Variants in CYP26C1 observed in about 807,000 individuals in gnomAD.
CYP26C1 encodes cytochrome P450 26C1.
A neutral mutation model predicts 39.1 loss-of-function variants in CYP26C1; 41 were observed. The observed-to-expected ratio is 1.05, with a 90% CI of 0.82 to 1.36. The LOEUF (loss-of-function observed/expected upper bound fraction) is 1.36, where lower values mean the gene tolerates loss of function less well. CYP26C1 is among the 40% of genes most tolerant of loss of function. The pLI is 0.00. For synonymous variants in CYP26C1, 362 were observed against 350.8 expected, an observed-to-expected ratio of 1.03 and a Z score of -0.36; for missense variants, 833 against 752.0, an observed-to-expected ratio of 1.11 and a Z score of -1.26.
Position 93,061,357 on chromosome 10 carries a change from C to G in CYP26C1, c.94C>G (p.Leu32Val), listed in dbSNP as rs1353668220. The G allele has an allele frequency of 1.3e-6, 2 of 1,581,814 alleles. No homozygotes were observed. The highest frequency in any genetic ancestry group is 2.3e-5 in the South Asian group (2 of 86,420). The change falls in exon 1 of 6, where the codon CTC becomes GTC. Residue 32 changes from leucine (L) to valine (V), a missense_variant. Physicochemically the swap from Leu to Val is conservative, Grantham distance 32 (BLOSUM62 1). Transcript: ENST00000651965. ...AGLLLSLAQH[L>V]WTLRWMLSRD... ...CCTGCTGCTCAGCCTGGCCCAGCAC[C>G]TCTGGACCCTCCGCTGGATGCTGAG...
At chr10:93,063,367 G>GA in intron 3 of CYP26C1, 1 of 1,036,748 alleles carries the variant, frequency 9.6e-7, no homozygotes, top group Non-Finnish European at 1.2e-6. Flanking sequence ...CACCTCTTCG[G>GA]AAGCCCAGAT....
In CYP26C1 at chr10:93,068,231, T is replaced by C. The variant is rs1232507402; in HGVS notation, c.1192-89T>C. 4 of 1,410,342 alleles carry C rather than the reference T, an allele frequency of 2.8e-6. No homozygotes were observed. In the African/African-American group the frequency reaches 4.4e-5, roughly 16 times the overall value. The allele number at this position is 1,410,342 out of a possible 1,614,324, so 87.4% of individuals were successfully genotyped here. On this transcript the variant is annotated intron_variant, in intron 5 of 5. Coordinates refer to ENST00000651965, the MANE Select transcript of CYP26C1 (RefSeq NM_183374.3). ...GGATTCCTCCTGGTTTTCGGAAGCC[T>C]GATGGAAGCACCAGGGTGGAGGGTC...
chr10:93,068,045 T>C (rs1269699554), intron 5 of CYP26C1, among the ~76,000 whole-genome samples: 1 of 152,204 alleles, frequency 6.6e-6, no homozygotes, highest in East Asian at 1.9e-4. Context: ...AAGTCCTTAA[T>C]TTGAATCCTC....
At chr10:93,067,625 T>G (rs987376309) in intron 5 of CYP26C1, among the ~76,000 whole-genome samples, 2 of 152,174 alleles carry the variant, frequency 1.3e-5, no homozygotes, top group African/African-American at 4.8e-5. Flanking sequence ...GTATTCACCC[T>G]GGAACTTGAT....
chr10:93,067,560 AAG>A (rs989256063), intron 5 of CYP26C1, among the ~76,000 whole-genome samples: 2 of 152,194 alleles, frequency 1.3e-5, no homozygotes, highest in African/African-American at 4.8e-5. Flanking sequence ...CTAGAGAGGA[AAG>A]AGAGCTCCTG....
Position 93,061,424 on chromosome 10 carries a change from T to C in CYP26C1, c.161T>C (p.Met54Thr). The part of the protein sequence containing the change: ...ASTLPLPKGS[M>T]GWPFFGETLH... ...ACCCTGCCTCTGCCCAAGGGCTCCA[T>C]GGGGTGGCCCTTCTTCGGCGAAACG... The change falls in exon 1 of 6, where the codon ATG (methionine) becomes ACG (threonine). Residue 54 changes from methionine to threonine, a missense_variant. Met to Thr is a moderately conservative substitution (Grantham distance 81). Transcript: ENST00000651965. 1.3e-6 allele frequency: 2 copies of C among 1,557,310 alleles called. No individual in the cohort carries two copies. Among genetic ancestry groups the C allele is most frequent in the South Asian group, 2.4e-5 (2 of 84,614 alleles).
chr10:93,061,487 C>G lies in CYP26C1; in HGVS notation c.204+20C>G. On this transcript the variant is annotated intron_variant, in intron 1 of 5. Coordinates refer to ENST00000651965, the MANE Select transcript of CYP26C1 (RefSeq NM_183374.3). ...GTTCAGGTGAGCAGTCCTTCGACCC[C>G]GAGCGCTAATACGGTCCCTTCTTCC... The G allele has an allele frequency of 6.5e-7, 1 of 1,548,596 alleles. No homozygotes were observed. Among genetic ancestry groups the G allele is most frequent in the Non-Finnish European group, 8.7e-7 (1 of 1,146,876 alleles).
At chr10:93,065,346 C>T (rs895075413) in intron 4 of CYP26C1, among the ~76,000 whole-genome samples, 2 of 152,222 alleles carry the variant, frequency 1.3e-5, no homozygotes, top group Admixed American at 6.5e-5. Flanking sequence ...TTGCGCAGAG[C>T]AGACCAAGAA....
chr10:93,063,917 A>T, intron 3 of CYP26C1: 1 of 987,272 alleles, frequency 1.0e-6, no homozygotes. Flanking sequence ...CCTATTGCCC[A>T]CGCTCTTACA....
chr10:93,068,565 C>G lies in CYP26C1; in HGVS notation c.1437C>G (p.Thr479=). 1.3e-6 allele frequency: 2 copies of G among 1,592,806 alleles called. No homozygotes were observed. Among genetic ancestry groups the G allele is most frequent in the East Asian group, 2.3e-5 (1 of 44,064 alleles). Residue 479 remains threonine (T), a synonymous_variant, in exon 6 of 6, where the codon ACC becomes ACG. Coordinates refer to ENST00000651965, the MANE Select transcript of CYP26C1 (RefSeq NM_183374.3). Reference sequence around the variant, plus strand: ...TGCTAGCTGTGGAGCTAGTGCGCACCGCGCGCTGGGAACTGGCCACACCCG... The same window carrying G: ...TGCTAGCTGTGGAGCTAGTGCGCACGGCGCGCTGGGAACTGGCCACACCCG... The part of the protein sequence containing the change: ...LQLLAVELVR[T]ARWELATPAF...
chr10:93,067,642 G>A (rs1430473190), intron 5 of CYP26C1, among the ~76,000 whole-genome samples: 1 of 152,202 alleles, frequency 6.6e-6, no homozygotes, highest in Admixed American at 6.5e-5. Flanking sequence ...TGATATGAGG[G>A]TAGCAGTGTA....
Position 93,060,917 on chromosome 10 carries a change from C to G in CYP26C1, c.-347C>G. ...TTCTTCTATCCAAAGGGTGCTGAGC[C>G]CGGGAGGAGGTGGGAGGTGCCCCGC... On this transcript the variant is annotated 5_prime_UTR_variant, in exon 1 of 6. Transcript: ENST00000651965. 1 of 350,528 alleles carries G rather than the reference C, an allele frequency of 2.9e-6. No individual in the cohort carries two copies. Among genetic ancestry groups the G allele is most frequent in the Non-Finnish European group, 5.2e-6 (1 of 193,146 alleles). The allele number at this position is 350,528 out of a possible 1,614,324, so 21.7% of individuals were successfully genotyped here. A position where few individuals can be genotyped will look rare whatever the true frequency, so the allele number is the denominator to read the frequency against.
rs71480852 is a variant in CYP26C1 at position 93,068,713 on chromosome 10, G to A, written c.*16G>A. ...ATGCCTCTGACATGCTTGCGCTCTA[G>A]GACACGGCTTGGCCGGTGGCTATGG... is the stretch of plus-strand genomic sequence containing the variant. On this transcript the variant is annotated 3_prime_UTR_variant, in exon 6 of 6. Coordinates refer to ENST00000651965, the MANE Select transcript of CYP26C1 (RefSeq NM_183374.3). The A allele has an allele frequency of 6.6e-7, 1 of 1,507,416 alleles. No individual in the cohort carries two copies. The highest frequency in any genetic ancestry group is 1.3e-5 in the South Asian group (1 of 74,108). The allele number at this position is 1,507,416 out of a possible 1,614,324, so 93.4% of individuals were successfully genotyped here.
intron 2 of CYP26C1, 87 bp from the exon 3 acceptor site, chr10:93,062,633 G>A (rs1420073667): frequency 1.7e-6 from 2 of 1,203,230 alleles, no homozygotes; most frequent in Non-Finnish European, 2.2e-6. Context: ...AGGGAGAAAG[G>A]ACCGGAACTG....
At position 93,068,665 on chromosome 10, in the gene CYP26C1, C is replaced by G. The variant is rs746500540; in HGVS notation, c.1537C>G (p.Pro513Ala). The part of the protein sequence containing the change: ...GLRLFFHPLT[P>A]SVAGNGLCL ...GCGGCTCTTTTTCCACCCCCTCACG[C>G]CTTCGGTTGCGGGGAATGGGCTATG... The change falls in exon 6 of 6, where the codon CCT becomes GCT. Residue 513 changes from proline to alanine, a missense_variant. By Grantham distance (27) the Pro-to-Ala change is conservative (BLOSUM62 -1). Transcript: ENST00000651965. 6.3e-7 allele frequency: 1 copy of G among 1,580,828 alleles called. No homozygotes were observed. The highest frequency in any genetic ancestry group is 8.6e-7 in the Non-Finnish European group (1 of 1,160,672).
rs1486424693 is a variant in CYP26C1, at chr10:93,066,203, A to T, written c.1109A>T (p.Asp370Val). 2.7e-6 allele frequency: 4 copies of T among 1,475,774 alleles called. No individual in the cohort carries two copies. In the African/African-American group the frequency reaches 5.8e-5, roughly 21 times the overall value. The allele number at this position is 1,475,774 out of a possible 1,614,324, so 91.4% of individuals were successfully genotyped here. A position where few individuals can be genotyped will look rare whatever the true frequency, so the allele number is the denominator to read the frequency against. Residue 370 changes from aspartate to valine, a missense_variant, in exon 5 of 6, where the codon GAC (aspartate) becomes GTC (valine). Physicochemically the swap from Asp to Val is radical, Grantham distance 152. Coordinates refer to ENST00000651965, the MANE Select transcript of CYP26C1 (RefSeq NM_183374.3). The part of the protein sequence containing the change: ...LAALGRLRYV[D>V]CVVKEVLRLL... The stretch of plus-strand genomic sequence containing the variant: ...GCGCTGGGCCGTCTGCGCTACGTCG[A>T]CTGCGTGGTCAAGGAGGTGCTGCGC...
Position 93,062,116 on chromosome 10 carries a change from C to T in CYP26C1, c.311C>T (p.Thr104Ile). The change falls in exon 2 of 6, where the codon ACC becomes ATC. Residue 104 changes from threonine to isoleucine, a missense_variant. Physicochemically the swap from Thr to Ile is moderately conservative, Grantham distance 89. Coordinates refer to ENST00000651965, the MANE Select transcript of CYP26C1 (RefSeq NM_183374.3). ...GTGAGCGGCGCGGAGAACGTGCGCA[C>T]CATCCTGCTGGGCGAGCACCGCCTG... ...IRVSGAENVR[T>I]ILLGEHRLVR... 1 of 1,557,862 alleles carries T rather than the reference C, an allele frequency of 6.4e-7. No homozygotes were observed. The highest frequency in any genetic ancestry group is 8.7e-7 in the Non-Finnish European group (1 of 1,152,490).
intron 1 of CYP26C1, among the ~76,000 whole-genome samples, chr10:93,061,685 A>G (rs1198333677): frequency 6.6e-6 from 1 of 152,126 alleles, no homozygotes; most frequent in African/African-American, 2.4e-5. Context: ...ACTCCCAGAC[A>G]CAACGCAGGG....
In CYP26C1 at chr10:93,068,641, C is replaced by T; in HGVS notation, c.1513C>T (p.Arg505Trp). 1 of 1,597,198 alleles carries T rather than the reference C, an allele frequency of 6.3e-7. No homozygotes were observed. The highest frequency in any genetic ancestry group is 1.1e-5 in the South Asian group (1 of 88,616). Residue 505 changes from arginine (R) to tryptophan (W), a missense_variant, in exon 6 of 6, where the codon CGG (arginine) becomes TGG (tryptophan). By Grantham distance (101) the Arg-to-Trp change is moderately radical. Transcript: ENST00000651965. ...VPIVHPVDGL[R>W]LFFHPLTPSV... The stretch of plus-strand genomic sequence containing the variant: ...CATCGTGCACCCAGTGGACGGGCTG[C>T]GGCTCTTTTTCCACCCCCTCACGCC...
Sources: allele counts gnomAD v4.1 joint callset (sites outside exome capture counted in the v4.1 genomes callset), GRCh38; gene constraint gnomAD v4.1.1; transcripts MANE v1.5; gene names NCBI Gene and HGNC (gene_info 2026-07-23, HGNC 2026-07-21).